EIF3J: variants seen among roughly 807,000 people sequenced by gnomAD.
The protein encoded by EIF3J is eukaryotic translation initiation factor 3, subunit 1 (alpha, 35kD).
A neutral mutation model predicts 39.0 loss-of-function variants in EIF3J; 15 were observed. The observed-to-expected ratio is 0.38, with a 90% CI of 0.26 to 0.59. EIF3J has a LOEUF of 0.59. Among genes scored for constraint, EIF3J ranks in the 20% least tolerant of loss-of-function variants. The pLI is 0.60. For synonymous variants in EIF3J, 98 were observed against 112.9 expected (o/e 0.87, Z 0.84); for missense variants, 226 against 308.6 (o/e 0.73, Z 2.00).
chr15:44,543,417 C>CTTTTT (rs759322625), intron 2 of EIF3J, among the ~76,000 whole-genome samples: 71 of 135,422 alleles, frequency 5.2e-4, no homozygotes, highest in African/African-American at 1.9e-3. Context: ...ATAGGAACCA[C>CTTTTT]TTTTTTTTTT....
intron 2 of EIF3J, among the ~76,000 whole-genome samples, chr15:44,549,528 G>A (rs543652067): frequency 1.3e-5 from 2 of 152,266 alleles, no homozygotes; most frequent in South Asian, 4.1e-4. Flanking sequence ...CCAGCACTTC[G>A]GGAAGCCGAG....
chr15:44,560,265 GA>G lies in EIF3J; in HGVS notation c.595del (p.Ile199LeufsTer5). On this transcript the variant is annotated frameshift_variant, in exon 7 of 8. Coordinates refer to ENST00000261868, the MANE Select transcript of EIF3J (RefSeq NM_003758.4). LOFTEE classifies it high-confidence loss of function. ...VCISLEIDDL[K>X]KITNSLTVLC... ...TTTTTTAAGTGGAAATTGATGACTT[GA>G]AAAAAATTACCAATTCACTGACTGT... The G allele has an allele frequency of 6.3e-7, 1 of 1,596,796 alleles. No homozygotes were observed.
chr15:44,543,622 C>A (rs143939031), intron 2 of EIF3J, among the ~76,000 whole-genome samples: 1 of 152,052 alleles, frequency 6.6e-6, no homozygotes, highest in Admixed American at 6.6e-5. Context: ...CCATGTTGGC[C>A]AGGATGGTCT....
chr15:44,539,292 C>G (rs570628624), intron 2 of EIF3J, among the ~76,000 whole-genome samples: 69 of 152,084 alleles, frequency 4.5e-4, no homozygotes, highest in Admixed American at 4.1e-3. Flanking sequence ...TCCCAAAGTG[C>G]TGGAATTATA....
chr15:44,557,475 C>T lies in EIF3J; in HGVS notation c.410-14C>T, dbSNP rs759402213. On this transcript the variant is annotated splice_polypyrimidine_tract_variant and intron_variant, in intron 5 of 7. Coordinates refer to ENST00000261868, the MANE Select transcript of EIF3J (RefSeq NM_003758.4). ...AACCTCCTGATACTTTTCAGTGCTT[C>T]TTTTCTCCTACAGGTGTTAATAATG... 6.7e-6 allele frequency: 10 copies of T among 1,490,622 alleles called. No individual in the cohort carries two copies. The East Asian group carries it at 2.6e-4, about 39-fold the overall frequency. 92.3% of individuals were successfully genotyped at this position (1,490,622 alleles called of 1,614,324 possible). A position where few individuals can be genotyped will look rare whatever the true frequency, so the allele number is the denominator to read the frequency against.
intron 2 of EIF3J, 70 bp downstream of exon 2, chr15:44,537,497 C>T: frequency 7.1e-7 from 1 of 1,409,812 alleles, no homozygotes; most frequent in Non-Finnish European, 9.2e-7. Flanking sequence ...CTCTGGGCCC[C>T]GGGTCGCTGC....
At chr15:44,560,126 T>C (rs778198035) in intron 6 of EIF3J, 123 bp from the exon 7 acceptor site, 1 of 741,034 alleles carries the variant, frequency 1.3e-6, no homozygotes, top group Non-Finnish European at 2.1e-6. Flanking sequence ...ATTGGATTTC[T>C]CATAACACTT....
chr15:44,545,708 T>G (rs898304726), intron 2 of EIF3J, among the ~76,000 whole-genome samples: 3 of 152,216 alleles, frequency 2.0e-5, no homozygotes, highest in African/African-American at 7.2e-5. Flanking sequence ...ACATTCAAAA[T>G]TTTCTTATGG....
At chr15:44,541,036 C>T (rs555682803) in intron 2 of EIF3J, among the ~76,000 whole-genome samples, 49 of 152,208 alleles carry the variant, frequency 3.2e-4, no homozygotes, top group Non-Finnish European at 1.0e-4. Flanking sequence ...ACTGTACAAC[C>T]GTTAATATAT....
Position 44,537,149 on chromosome 15 carries a change from C to T in EIF3J, c.-46C>T, listed in dbSNP as rs750120899. On this transcript the variant is annotated 5_prime_UTR_variant, in exon 1 of 8. Transcript: ENST00000261868. ...CAGTGACTCACCTCCGCCGTGCTAA[C>T]TCCTCGCTAGCTCTCCCTCTCACAC... 1.2e-6 allele frequency: 2 copies of T among 1,613,276 alleles called. No homozygotes were observed. Among genetic ancestry groups the T allele is most frequent in the East Asian group, 4.5e-5 (2 of 44,852 alleles).
intron 5 of EIF3J, 73 bp downstream of exon 5, chr15:44,554,740 C>A: frequency 3.3e-6 from 3 of 918,166 alleles, no homozygotes; most frequent in Non-Finnish European, 1.6e-6. Flanking sequence ...CAGAAAACAT[C>A]TCCTTTTCTT....
intron 2 of EIF3J, among the ~76,000 whole-genome samples, chr15:44,542,520 GCCCTAAATGTGTTCTCATTGCATGTGA>G (rs2082021612): frequency 6.6e-6 from 1 of 152,154 alleles, no homozygotes; most frequent in Non-Finnish European, 1.5e-5. Flanking sequence ...AGCATTTTCA[GCCCTAAATGTGTTCTCATTGCATGTGA>G]CATAATGTAG....
rs775545867 is a variant in EIF3J, at chr15:44,557,585, A to C, written c.506A>C (p.Gln169Pro). The C allele has an allele frequency of 6.5e-7, 1 of 1,549,908 alleles. No individual in the cohort carries two copies. The highest frequency in any genetic ancestry group is 8.7e-7 in the Non-Finnish European group (1 of 1,149,736). Residue 169 changes from glutamine to proline, a missense_variant, in exon 6 of 8, where the codon CAA (glutamine) becomes CCA (proline). This residue lies in a region of EIF3J where 83 missense variants were observed against 152.6 expected (regional missense o/e 0.54). Coordinates refer to ENST00000261868, the MANE Select transcript of EIF3J (RefSeq NM_003758.4). The part of the protein sequence containing the change: ...FGKLLKDKIT[Q>P]YEKSLYYASF... The stretch of plus-strand genomic sequence containing the variant: ...AAGTTACTAAAAGATAAAATTACAC[A>C]ATATGAAAAGTCACTATATTATGCC...
At chr15:44,559,819 C>CTGAGGAAGGATA (rs2082177013) in intron 6 of EIF3J, among the ~76,000 whole-genome samples, 1 of 151,278 alleles carries the variant, frequency 6.6e-6, no homozygotes, top group Admixed American at 6.6e-5. Flanking sequence ...TTTGTTTAGA[C>CTGAGGAAGGATA]TGAGGAAGGA....
chr15:44,561,332 G>GCC lies in EIF3J; in HGVS notation c.*184_*185dup. On this transcript the variant is annotated 3_prime_UTR_variant, in exon 8 of 8. Coordinates refer to ENST00000261868, the MANE Select transcript of EIF3J (RefSeq NM_003758.4). ...CAAATGAGGGAACTTGGATCTTGCT[G>GCC]CCAAGGGGTTAAAATTGGGAACCTA... is the stretch of plus-strand genomic sequence containing the variant. 2 of 571,556 alleles carry GCC rather than the reference G, an allele frequency of 3.5e-6. No homozygotes were observed. 35.4% of individuals were successfully genotyped at this position (571,556 alleles called of 1,614,324 possible).
chr15:44,543,988 G>A (rs749699785), intron 2 of EIF3J, among the ~76,000 whole-genome samples: 9 of 151,980 alleles, frequency 5.9e-5, no homozygotes, highest in Non-Finnish European at 1.3e-4. Context: ...TCTTTACCTT[G>A]GAGGTATTGA....
rs773167159 is a variant in EIF3J at position 44,557,547 on chromosome 15, T to C, written c.468T>C (p.Phe156=). Residue 156 remains phenylalanine (F), a synonymous_variant, in exon 6 of 8, where the codon TTT becomes TTC. Transcript: ENST00000261868. ...TGAACCCATCTTCAAGAGATGACTTTACAGAGTTTGGAAAGTTACTAAAAG... is the reference window on the plus strand; with the variant it reads ...TGAACCCATCTTCAAGAGATGACTTCACAGAGTTTGGAAAGTTACTAAAAG... ...DAMNPSSRDD[F]TEFGKLLKDK... 3.8e-6 allele frequency: 6 copies of C among 1,559,332 alleles called. No individual in the cohort carries two copies. Among genetic ancestry groups the C allele is most frequent in the South Asian group, 2.6e-5 (2 of 78,284 alleles).
rs1376104123 is a variant in EIF3J at position 44,554,375 on chromosome 15, T to TG, written c.295-178_295-177insG. 1.5e-3 allele frequency among the ~76,000 whole-genome samples: 93 copies of TG among 61,898 alleles called. 2 individuals are homozygous for TG. The highest frequency in any genetic ancestry group is 2.4e-3 in the Non-Finnish European group (73 of 30,700). The allele number at this position is 61,898 out of a possible 152,430, so 40.6% of individuals were successfully genotyped here. Reference sequence around the variant, plus strand: ...CTTGGTGGCAGAGTGAGGCTCTGTCTAAAAAAAAAAAAAAAAAAAAAAAAA... The same window carrying TG: ...CTTGGTGGCAGAGTGAGGCTCTGTCTGAAAAAAAAAAAAAAAAAAAAAAAAA... On this transcript the variant is annotated intron_variant, in intron 4 of 7. Coordinates refer to ENST00000261868, the MANE Select transcript of EIF3J (RefSeq NM_003758.4).
At position 44,557,472 on chromosome 15, in the gene EIF3J, C is replaced by T; in HGVS notation, c.410-17C>T. On this transcript the variant is annotated splice_polypyrimidine_tract_variant and intron_variant, in intron 5 of 7. Transcript: ENST00000261868. ...CCTAACCTCCTGATACTTTTCAGTG[C>T]TTCTTTTCTCCTACAGGTGTTAATA... 1.3e-6 allele frequency: 2 copies of T among 1,487,820 alleles called. No individual in the cohort carries two copies. The highest frequency in any genetic ancestry group is 1.4e-5 in the South Asian group (1 of 69,494). 92.2% of individuals were successfully genotyped at this position (1,487,820 alleles called of 1,614,324 possible). A position where few individuals can be genotyped will look rare whatever the true frequency, so the allele number is the denominator to read the frequency against.
Sources: allele counts gnomAD v4.1 joint callset (sites outside exome capture counted in the v4.1 genomes callset), GRCh38; gene constraint gnomAD v4.1.1; regional missense constraint gnomAD v4.1.1; transcripts MANE v1.5; gene names NCBI Gene and HGNC (gene_info 2026-07-23, HGNC 2026-07-21).